KCNG2: variants seen among roughly 807,000 people sequenced by gnomAD.
The protein encoded by KCNG2 is potassium voltage-gated channel modifier subfamily G member 2, also known as voltage-gated potassium channel regulatory subunit KCNG2.
Under a neutral mutation model 12.3 loss-of-function variants are expected in KCNG2, and 7 were observed. The ratio of observed to expected loss-of-function variants is 0.57; its 90% CI spans 0.32 to 1.07. The LOEUF is 1.07. Ranked by LOEUF, KCNG2 falls within the 50% of genes least tolerant of loss-of-function variation. The pLI is 0.04. For synonymous variants in KCNG2, 414 were observed against 351.4 expected (o/e 1.18, Z -1.99); for missense variants, 703 against 726.0 (o/e 0.97, Z 0.36).
intron 1 of KCNG2, among the ~76,000 whole-genome samples, chr18:79,820,339 G>A (rs1938603687): frequency 6.6e-6 from 1 of 152,176 alleles, no homozygotes; most frequent in Non-Finnish European, 1.5e-5. Context: ...GAAATGCTGA[G>A]CCAGATGTTG....
chr18:79,798,179 A>T (rs1170308745), intron 1 of KCNG2, among the ~76,000 whole-genome samples, 165 bp downstream of exon 1: 1 of 119,450 alleles, frequency 8.4e-6, no homozygotes, highest in Non-Finnish European at 1.7e-5. Context: ...GTCGAAGGGG[A>T]CCTTGGAATC....
chr18:79,844,863 G>A (rs1208198926), intron 1 of KCNG2, among the ~76,000 whole-genome samples: 1 of 152,162 alleles, frequency 6.6e-6, no homozygotes, highest in African/African-American at 2.4e-5. Flanking sequence ...AACTAAATAT[G>A]CAACTAGCCA....
In KCNG2 at chr18:79,798,619, G is replaced by A. The variant is rs556282659; in HGVS notation, c.-115+605G>A. The stretch of plus-strand genomic sequence containing the variant: ...CTACTCTGCCTCCTCCGACCAGCCG[G>A]GGCGCGGCCCGAATTGGGGGAGAGA... On this transcript the variant is annotated intron_variant, in intron 1 of 3. Coordinates refer to ENST00000316249, the MANE Select transcript of KCNG2 (RefSeq NM_012283.2). Among the ~76,000 whole-genome samples the A allele has an allele frequency of 1.0e-3, 157 of 152,368 alleles. 2 individuals carry two copies. Among genetic ancestry groups the A allele is most frequent in the Non-Finnish European group, 1.6e-3 (112 of 68,028 alleles).
intron 3 of KCNG2, chr18:79,876,076 A>C (rs8094528): frequency 0.81 from 123,054 of 152,334 alleles, 53,109 homozygotes; most frequent in Non-Finnish European, 0.95. Context: ...CCCGCAGCTC[A>C]CGGGCCACAG....
intron 3 of KCNG2, among the ~76,000 whole-genome samples, chr18:79,874,130 G>A (rs774220137): frequency 2.0e-5 from 3 of 152,180 alleles, no homozygotes; most frequent in African/African-American, 4.8e-5. Flanking sequence ...CCCTCACAGC[G>A]CCTCCCGCCT....
At chr18:79,823,234 C>G (rs572883323) in intron 1 of KCNG2, among the ~76,000 whole-genome samples, 4 of 152,218 alleles carry the variant, frequency 2.6e-5, no homozygotes, top group Admixed American at 2.0e-4. Flanking sequence ...TGTAGACACC[C>G]GCGTTTACTC....
intron 1 of KCNG2, among the ~76,000 whole-genome samples, chr18:79,838,025 G>T (rs1978354482): frequency 6.6e-6 from 1 of 152,242 alleles, no homozygotes. Context: ...GGAGAAGCAA[G>T]ACCTTCTTCA....
intron 1 of KCNG2, among the ~76,000 whole-genome samples, chr18:79,850,902 TG>T (rs1978792568): frequency 1.3e-5 from 2 of 152,158 alleles, no homozygotes; most frequent in Admixed American, 1.3e-4. Context: ...CAAGACCAGG[TG>T]GCCGCACAGA....
chr18:79,848,933 G>T (rs1316935375), intron 1 of KCNG2, among the ~76,000 whole-genome samples: 1 of 152,192 alleles, frequency 6.6e-6, no homozygotes, highest in Non-Finnish European at 1.5e-5. Flanking sequence ...GCTGTTAGGG[G>T]TTAATGACCG....
At chr18:79,826,974 G>A (rs1216641859) in intron 1 of KCNG2, among the ~76,000 whole-genome samples, 1 of 152,266 alleles carries the variant, frequency 6.6e-6, no homozygotes, top group Non-Finnish European at 1.5e-5. Context: ...ACAGTTTCTA[G>A]GAAATTCGCC....
intron 3 of KCNG2, among the ~76,000 whole-genome samples, chr18:79,897,434 G>A (rs999169335): frequency 6.6e-6 from 1 of 151,914 alleles, no homozygotes; most frequent in Non-Finnish European, 1.5e-5. Flanking sequence ...TTTTTTAAAT[G>A]TCCATCTCTT....
At chr18:79,812,521 A>G (rs2087499702) in intron 1 of KCNG2, among the ~76,000 whole-genome samples, 1 of 152,236 alleles carries the variant, frequency 6.6e-6, no homozygotes, top group Non-Finnish European at 1.5e-5. Context: ...GAGGTCAGCC[A>G]TACCTGGCGA....
At chr18:79,894,362 ACGAT>A (rs1568274338) in intron 3 of KCNG2, among the ~76,000 whole-genome samples, 505 of 49,460 alleles carry the variant, frequency 0.01, no homozygotes, top group South Asian at 0.016. Flanking sequence ...TCCATTCATA[ACGAT>A]TGATATAGTT....
At chr18:79,807,776 G>A (rs996641619) in intron 1 of KCNG2, among the ~76,000 whole-genome samples, 16 of 149,466 alleles carry the variant, frequency 1.1e-4, no homozygotes, top group Admixed American at 1.1e-3. Context: ...CTGAGGAGCT[G>A]CCGGGGCCGC....
At chr18:79,867,318 T>C (rs1979633059) in intron 3 of KCNG2, among the ~76,000 whole-genome samples, 1 of 151,836 alleles carries the variant, frequency 6.6e-6, no homozygotes, top group Admixed American at 6.6e-5. Context: ...GTGTGTGTCC[T>C]TGTGGGTCAA....
intron 3 of KCNG2, 55 bp from the exon 4 acceptor site, chr18:79,898,984 GC>G: frequency 6.8e-6 from 9 of 1,323,264 alleles, no homozygotes; most frequent in South Asian, 1.5e-5. Context: ...AGGGCAAGGC[GC>G]CCCCGGCCCT....
chr18:79,874,090 G>A (rs1979971680), intron 3 of KCNG2, among the ~76,000 whole-genome samples: 1 of 152,218 alleles, frequency 6.6e-6, no homozygotes, highest in Non-Finnish European at 1.5e-5. Flanking sequence ...TCTCCTGACT[G>A]CCTCGGGAAT....
chr18:79,817,550 G>A (rs1423299460), intron 1 of KCNG2, among the ~76,000 whole-genome samples: 4 of 152,144 alleles, frequency 2.6e-5, no homozygotes, highest in Non-Finnish European at 1.5e-5. Flanking sequence ...TGGTTGTCAT[G>A]TGGTTTGCAC....
chr18:79,895,871 C>T (rs899760728), intron 3 of KCNG2, among the ~76,000 whole-genome samples: 5 of 152,236 alleles, frequency 3.3e-5, no homozygotes, highest in Non-Finnish European at 5.9e-5. Context: ...ATGCACCTCA[C>T]GGAGCACGTT....
Sources: allele counts gnomAD v4.1 joint callset (sites outside exome capture counted in the v4.1 genomes callset), GRCh38; gene constraint gnomAD v4.1.1; transcripts MANE v1.5; gene names NCBI Gene and HGNC (gene_info 2026-07-23, HGNC 2026-07-21).